BIRC6: variants seen among roughly 807,000 people sequenced by gnomAD.
BIRC6 encodes the protein baculoviral IAP repeat containing 6.
A neutral mutation model predicts 503.3 loss-of-function variants in BIRC6; 98 were observed. The ratio of observed to expected loss-of-function variants is 0.19; its 90% CI spans 0.17 to 0.23. The LOEUF is 0.23. Among genes scored for constraint, BIRC6 ranks in the 10% least tolerant of loss-of-function variants. BIRC6 has a pLI of 1.00. For missense variants in BIRC6, 5,360 were observed against 5,806.0 expected (o/e 0.92, Z 2.50); for synonymous variants, 2,240 against 2,078.7 (o/e 1.08, Z -2.11).
chr2:32,580,222 G>A (rs1305041487), intron 66 of BIRC6, among the ~76,000 whole-genome samples: 5 of 152,108 alleles, frequency 3.3e-5, no homozygotes, highest in Non-Finnish European at 7.4e-5. Context: ...CCAAAGTTCT[G>A]GGAGTACATA....
chr2:32,423,229 C>T (rs1395311763), intron 10 of BIRC6, among the ~76,000 whole-genome samples: 1 of 152,168 alleles, frequency 6.6e-6, no homozygotes, highest in East Asian at 1.9e-4. Flanking sequence ...TGTTCCCGGC[C>T]TGAGACTCTC....
At position 32,481,554 on chromosome 2, in the gene BIRC6, C is replaced by G; in HGVS notation, c.7542+101C>G. 4 of 920,330 alleles carry G rather than the reference C, an allele frequency of 4.3e-6. No individual in the cohort carries two copies. In the South Asian group the frequency reaches 9.2e-5, roughly 21 times the overall value. 57.0% of individuals were successfully genotyped at this position (920,330 alleles called of 1,614,324 possible). On this transcript the variant is annotated intron_variant, in intron 38 of 73. Transcript: ENST00000421745. ...GGCCAAGGTGGGCAGATCACAAGGT[C>G]AAGAGATCAAGACCATCCTGGCCAA...
At chr2:32,539,183 G>A (rs780333205) in intron 61 of BIRC6, among the ~76,000 whole-genome samples, 1 of 152,188 alleles carries the variant, frequency 6.6e-6, no homozygotes, top group Non-Finnish European at 1.5e-5. Flanking sequence ...AAATTTGTGT[G>A]TATTTAATAG....
intron 4 of BIRC6, among the ~76,000 whole-genome samples, chr2:32,390,875 CT>C (rs2039140688): frequency 1.3e-5 from 2 of 152,124 alleles, no homozygotes; most frequent in South Asian, 4.1e-4. Context: ...ACATATATAA[CT>C]TTTATTAGTC....
At position 32,490,096 on chromosome 2, in the gene BIRC6, G is replaced by A; in HGVS notation, c.8151G>A (p.Arg2717=). The change falls in exon 43 of 74, where the codon CGG becomes CGA. Residue 2717 remains arginine, a synonymous_variant. Transcript: ENST00000421745. ...CTTGGTATCCCAATACTTTGCTCCG[G>A]ACATGGTGCCTTGTGCTTCATAGCC... ...VLAWYPNTLL[R]TWCLVLHSLT... The A allele has an allele frequency of 1.2e-6, 2 of 1,613,616 alleles. No individual in the cohort carries two copies. Among genetic ancestry groups the A allele is most frequent in the East Asian group, 2.2e-5 (1 of 44,876 alleles).
chr2:32,386,442 C>CTTTT (rs752857568), intron 3 of BIRC6, among the ~76,000 whole-genome samples: 2 of 147,820 alleles, frequency 1.4e-5, no homozygotes, highest in Non-Finnish European at 1.5e-5. Flanking sequence ...AAGTCTCTCT[C>CTTTT]TCTTTTTTTT....
Position 32,448,818 on chromosome 2 carries a change from T to C in BIRC6, c.4508T>C (p.Phe1503Ser). 2 of 1,612,458 alleles carry C rather than the reference T, an allele frequency of 1.2e-6. No homozygotes were observed. The highest frequency in any genetic ancestry group is 1.7e-6 in the Non-Finnish European group (2 of 1,179,354). Residue 1503 changes from phenylalanine to serine, a missense_variant, in exon 22 of 74, where the codon TTT becomes TCT. Transcript: ENST00000421745. ...AGATATGGATTATATAGCTCACCAT[T>C]TGATCCAGTCCTCTTTGATTTGGAG... is the stretch of plus-strand genomic sequence containing the variant. ...QTRYGLYSSP[F>S]DPVLFDLEMS...
intron 2 of BIRC6, among the ~76,000 whole-genome samples, chr2:32,378,664 C>G (rs1223799468): frequency 6.6e-6 from 1 of 152,034 alleles, no homozygotes; most frequent in Non-Finnish European, 1.5e-5. Context: ...ACCATGTTGG[C>G]CAGACTGGTC....
At chr2:32,614,282 G>A (rs1442567272) in intron 73 of BIRC6, among the ~76,000 whole-genome samples, 1 of 152,096 alleles carries the variant, frequency 6.6e-6, no homozygotes, top group East Asian at 1.9e-4. Flanking sequence ...CAGCTTCCTT[G>A]TACCAGGTTC....
At chr2:32,414,143 T>A (rs1305664248) in intron 9 of BIRC6, among the ~76,000 whole-genome samples, 1 of 151,528 alleles carries the variant, frequency 6.6e-6, no homozygotes, top group Non-Finnish European at 1.5e-5. Flanking sequence ...AATACAAAAT[T>A]AGCTGGGTAT....
intron 11 of BIRC6, among the ~76,000 whole-genome samples, 200 bp from the exon 12 acceptor site, chr2:32,430,662 TTTC>T (rs1281500254): frequency 1.3e-5 from 2 of 152,122 alleles, no homozygotes; most frequent in Admixed American, 6.5e-5. Flanking sequence ...AAGTTAGAAT[TTTC>T]TTCTTTGCTA....
chr2:32,489,209 A>G (rs986869256), intron 42 of BIRC6, among the ~76,000 whole-genome samples: 1 of 152,020 alleles, frequency 6.6e-6, no homozygotes, highest in Non-Finnish European at 1.5e-5. Context: ...AGCTACAGGA[A>G]TCTATTTTAG....
At chr2:32,600,020 C>A in intron 70 of BIRC6, 120 bp downstream of exon 70, 2 of 879,706 alleles carry the variant, frequency 2.3e-6, no homozygotes. Context: ...CTTTGTACTT[C>A]TCTTCCCTAC....
At chr2:32,391,709 A>G (rs994749951) in intron 4 of BIRC6, among the ~76,000 whole-genome samples, 1 of 152,224 alleles carries the variant, frequency 6.6e-6, no homozygotes, top group African/African-American at 2.4e-5. Flanking sequence ...CAAAAAGTTT[A>G]CTATCGTCCT....
rs139444573 is a variant in BIRC6 at position 32,568,935 on chromosome 2, T to C, written c.13145-6221T>C. 5.3e-5 allele frequency among the ~76,000 whole-genome samples: 8 copies of C among 151,412 alleles called. No individual in the cohort carries two copies. The East Asian group carries it at 1.6e-3, about 29-fold the overall frequency. ...CTGGAAGAGTAAACATTGTACCCAG[T>C]AGATATTTTTCAAACCCCACTTTTT... On this transcript the variant is annotated intron_variant, in intron 65 of 73. Coordinates refer to ENST00000421745, the MANE Select transcript of BIRC6 (RefSeq NM_016252.4).
intron 23 of BIRC6, among the ~76,000 whole-genome samples, chr2:32,461,383 T>TGTGTGTGTGTGTGTGTG (rs1434874554): frequency 6.7e-6 from 1 of 149,012 alleles, no homozygotes; most frequent in African/African-American, 2.5e-5. Context: ...TGTGTGTGTG[T>TGTGTGTGTGTGTGTGTG]TTAGTAGAGA....
At chr2:32,548,954 T>C (rs1559030556) in intron 64 of BIRC6, 1 of 158,302 alleles carries the variant, frequency 6.3e-6, no homozygotes, top group Non-Finnish European at 1.4e-5. Context: ...TCTGCAACTC[T>C]AGAATGCTCC....
Position 32,593,990 on chromosome 2 carries a change from G to T in BIRC6, c.13431G>T (p.Leu4477Phe). Residue 4477 changes from leucine to phenylalanine, a missense_variant, in exon 67 of 74, where the codon TTG (leucine) becomes TTT (phenylalanine). Leu to Phe is a conservative substitution (Grantham distance 22, BLOSUM62 0). This residue lies in a region of BIRC6 where 477 missense variants were observed against 574.4 expected (regional missense o/e 0.83). Transcript: ENST00000421745. Reference sequence around the variant, plus strand: ...AAGAACCAGAAGGACTTACTCTTTTGGTACCAGACATCCAAAAGACTGCTG... The same window carrying T: ...AAGAACCAGAAGGACTTACTCTTTTTGTACCAGACATCCAAAAGACTGCTG... ...SDQEPEGLTL[L>F]VPDIQKTAEI... 6.2e-7 allele frequency: 1 copy of T among 1,613,588 alleles called. No individual in the cohort carries two copies. Among genetic ancestry groups the T allele is most frequent in the Non-Finnish European group, 8.5e-7 (1 of 1,179,646 alleles).
Position 32,415,307 on chromosome 2 carries a change from G to C in BIRC6, c.2016G>C (p.Leu672=). Residue 672 remains leucine, a synonymous_variant, in exon 10 of 74, where the codon CTG becomes CTC. Transcript: ENST00000421745. ...TTCCACAGATTATTGAAATGGAGCT[G>C]GATAGTCAGGAGCAGTTGTTATTGC... is the stretch of plus-strand genomic sequence containing the variant. The part of the protein sequence containing the change: ...FTVPQIIEME[L]DSQEQLLLQD... 6.2e-7 allele frequency: 1 copy of C among 1,614,020 alleles called. No individual in the cohort carries two copies. The highest frequency in any genetic ancestry group is 8.5e-7 in the Non-Finnish European group (1 of 1,179,898).
Sources: allele counts gnomAD v4.1 joint callset (sites outside exome capture counted in the v4.1 genomes callset), GRCh38; gene constraint gnomAD v4.1.1; regional missense constraint gnomAD v4.1.1; transcripts MANE v1.5; gene names NCBI Gene and HGNC (gene_info 2026-07-23, HGNC 2026-07-21).